FAT3: variants seen among roughly 807,000 people sequenced by gnomAD.
The protein encoded by FAT3 is FAT atypical cadherin 3, also known as protocadherin Fat 3.
FAT3 carries 95 observed loss-of-function variants against 310.2 expected under a neutral mutation model. The observed-to-expected ratio is 0.31, with a 90% CI of 0.26 to 0.36. The LOEUF is 0.36. Among genes scored for constraint, FAT3 ranks in the 10% least tolerant of loss-of-function variants. The pLI is 1.00. For missense variants in FAT3, 5,408 were observed against 5,715.6 expected (o/e 0.95, Z 1.74); for synonymous variants, 2,314 against 2,192.9 (o/e 1.06, Z -1.54).
At chr11:92,686,707 G>T (rs1305135812) in intron 3 of FAT3, among the ~76,000 whole-genome samples, 8 of 152,050 alleles carry the variant, frequency 5.3e-5, no homozygotes, top group Non-Finnish European at 1.2e-4. Flanking sequence ...TTTTAAAATT[G>T]AGTTTCAAAA....
rs1314368263 is a variant in FAT3 at position 92,896,408 on chromosome 11, G to A, written c.*5295G>A. ...ACAAAAAAAAACACAACAGTGTACA[G>A]GTTTGTAACTGCCAAAATTTGATGG... On this transcript the variant is annotated 3_prime_UTR_variant, in exon 28 of 28. Transcript: ENST00000525166. The A allele has an allele frequency of 3.3e-5, 5 of 151,028 alleles. No homozygotes were observed. 9.4% of individuals were successfully genotyped at this position (151,028 alleles called of 1,614,324 possible).
chr11:92,580,726 A>G (rs1009693845), intron 3 of FAT3, among the ~76,000 whole-genome samples: 1 of 152,018 alleles, frequency 6.6e-6, no homozygotes, highest in Non-Finnish European at 1.5e-5. Context: ...GTCCTGTTTC[A>G]TGTATTCAAA....
chr11:92,364,489 G>A (rs780661386), intron 2 of FAT3, among the ~76,000 whole-genome samples: 15 of 152,094 alleles, frequency 9.9e-5, no homozygotes, highest in Non-Finnish European at 1.6e-4. Context: ...TTTTGTACGC[G>A]CATTGAAAGA....
intron 1 of FAT3, among the ~76,000 whole-genome samples, chr11:92,242,317 G>C (rs1188841318): frequency 6.6e-6 from 1 of 152,018 alleles, no homozygotes; most frequent in Non-Finnish European, 1.5e-5. Context: ...ATAAAGACAG[G>C]TTTTCTTGAA....
intron 1 of FAT3, among the ~76,000 whole-genome samples, chr11:92,230,033 T>C (rs186632126): frequency 6.6e-6 from 1 of 152,254 alleles, no homozygotes; most frequent in Admixed American, 6.5e-5. Context: ...AGGTGTTGCC[T>C]ACCGTGGGCG....
intron 2 of FAT3, among the ~76,000 whole-genome samples, chr11:92,391,086 G>A (rs187353261): frequency 2.0e-5 from 3 of 152,304 alleles, no homozygotes; most frequent in Non-Finnish European, 2.9e-5. Context: ...CTCCAGAGCA[G>A]TTAACAACTC....
intron 2 of FAT3, among the ~76,000 whole-genome samples, chr11:92,515,682 T>C (rs760675224): frequency 2.0e-5 from 3 of 152,104 alleles, no homozygotes; most frequent in Non-Finnish European, 4.4e-5. Context: ...CAAATGGGGA[T>C]AAATACAGTA....
chr11:92,329,828 C>G (rs998017182), intron 1 of FAT3, among the ~76,000 whole-genome samples: 1 of 12,116 alleles, frequency 8.3e-5, no homozygotes. Context: ...CTTGCCTTAC[C>G]AATCAATGAG....
rs985883318 is a variant in FAT3 at position 92,257,065 on chromosome 11, TA to T, written c.-18+31900del. ...GCTCTTGACCTTTCTGGTGTCAGCTTAAAAAAAAATATCCAAATAAACTCTT... is the reference window on the plus strand; with the variant it reads ...GCTCTTGACCTTTCTGGTGTCAGCTTAAAAAAAATATCCAAATAAACTCTT... On this transcript the variant is annotated intron_variant, in intron 1 of 27. Transcript: ENST00000525166. 7.9e-5 allele frequency among the ~76,000 whole-genome samples: 12 copies of T among 151,556 alleles called. No individual in the cohort carries two copies. In the South Asian group the frequency reaches 1.3e-3, roughly 16 times the overall value.
intron 3 of FAT3, among the ~76,000 whole-genome samples, chr11:92,564,160 C>A (rs1955344084): frequency 6.6e-6 from 1 of 152,176 alleles, no homozygotes; most frequent in Admixed American, 6.5e-5. Flanking sequence ...TGCAGAGACA[C>A]ACATAGGCTC....
intron 3 of FAT3, among the ~76,000 whole-genome samples, chr11:92,598,252 A>T (rs1939824742): frequency 6.8e-6 from 1 of 147,144 alleles, no homozygotes; most frequent in Non-Finnish European, 1.5e-5. Context: ...TTTGAGACAA[A>T]GTCTCACTCT....
At chr11:92,468,374 T>G (rs141425094) in intron 2 of FAT3, among the ~76,000 whole-genome samples, 80 of 152,350 alleles carry the variant, frequency 5.3e-4, no homozygotes, top group African/African-American at 1.9e-3. Flanking sequence ...AACATAGTGC[T>G]TAATAAACTT....
intron 4 of FAT3, among the ~76,000 whole-genome samples, chr11:92,709,117 C>T (rs72962411): frequency 4.1e-4 from 62 of 152,340 alleles, no homozygotes; most frequent in Non-Finnish European, 6.9e-4. Flanking sequence ...TAATTTCCCC[C>T]GGCCAGCCAT....
intron 3 of FAT3, among the ~76,000 whole-genome samples, chr11:92,610,461 T>A (rs545441472): frequency 5.0e-4 from 76 of 152,332 alleles, no homozygotes; most frequent in African/African-American, 1.7e-3. Context: ...TTAAAAACTG[T>A]CTTTAAGTTG....
chr11:92,371,694 A>G (rs1252334578), intron 2 of FAT3, among the ~76,000 whole-genome samples: 1 of 152,140 alleles, frequency 6.6e-6, no homozygotes, highest in African/African-American at 2.4e-5. Flanking sequence ...TCCAGCTTGG[A>G]CAACAGAGCA....
chr11:92,765,789 A>AG (rs11430971), intron 6 of FAT3, among the ~76,000 whole-genome samples: 118,929 of 150,288 alleles, frequency 0.79, 47,593 homozygotes, highest in East Asian at 0.9. Flanking sequence ...ATTTTTTTTG[A>AG]GGGGGGGGTT....
chr11:92,888,037 C>G (rs1027023764), intron 25 of FAT3, among the ~76,000 whole-genome samples: 1 of 152,084 alleles, frequency 6.6e-6, no homozygotes, highest in Non-Finnish European at 1.5e-5. Context: ...GTCCTTTTCC[C>G]AGAGTACAAA....
At position 92,789,930 on chromosome 11, in the gene FAT3, CTTT is replaced by C; in HGVS notation, c.4336-11_4336-9del. Reference sequence around the variant, plus strand: ...TGGCATTAGTCATCATTCTTTTCTTCTTTTAACTACAGGTATTTATCAAAGTGC... The same window carrying C: ...TGGCATTAGTCATCATTCTTTTCTTCTAACTACAGGTATTTATCAAAGTGC... On this transcript the variant is annotated splice_polypyrimidine_tract_variant and intron_variant, in intron 7 of 27. Coordinates refer to ENST00000525166, the MANE Select transcript of FAT3 (RefSeq NM_001367949.2). 1 of 1,610,962 alleles carries C rather than the reference CTTT, an allele frequency of 6.2e-7. No homozygotes were observed.
intron 2 of FAT3, among the ~76,000 whole-genome samples, chr11:92,494,970 T>C (rs965239185): frequency 6.6e-6 from 1 of 152,066 alleles, no homozygotes; most frequent in Non-Finnish European, 1.5e-5. Flanking sequence ...ATTTAGGAAA[T>C]GAATTTTTGA....
Sources: allele counts gnomAD v4.1 joint callset (sites outside exome capture counted in the v4.1 genomes callset), GRCh38; gene constraint gnomAD v4.1.1; transcripts MANE v1.5; gene names NCBI Gene and HGNC (gene_info 2026-07-23, HGNC 2026-07-21).